CSF2RA: variants seen among roughly 807,000 people sequenced by gnomAD.
CSF2RA encodes the protein granulocyte-macrophage colony-stimulating factor receptor subunit alpha.
CSF2RA carries 42 observed loss-of-function variants against 51.6 expected under a neutral mutation model. The ratio of observed to expected loss-of-function variants is 0.81; its 90% confidence interval spans 0.64 to 1.05. The LOEUF is 1.05. CSF2RA is among the 50% of genes least tolerant of loss of function. CSF2RA has a pLI of 0.00. For synonymous variants in CSF2RA, 222 were observed against 193.0 expected (o/e 1.15, Z -1.24); for missense variants, 530 against 501.1 (o/e 1.06, Z -0.55).
rs368729326 is a variant in CSF2RA, at chrX:1,288,832, G to A, written c.417G>A (p.Ala139=). ...CGGATTTAATGAACTGTACCTGGGCGAGGGGTCCGACGGCCCCCCGTGACG... is the reference window on the plus strand; with the variant it reads ...CGGATTTAATGAACTGTACCTGGGCAAGGGGTCCGACGGCCCCCCGTGACG... The part of the protein sequence containing the change: ...YNADLMNCTW[A]RGPTAPRDVQ... Residue 139 remains alanine, a synonymous_variant, in exon 6 of 13, where the codon GCG becomes GCA. Coordinates refer to ENST00000381529, the MANE Select transcript of CSF2RA (RefSeq NM_172245.4). 133 of 1,613,908 alleles carry A rather than the reference G, an allele frequency of 8.2e-5. No homozygotes were observed. The highest frequency in any genetic ancestry group is 1.7e-4 in the Middle Eastern group (1 of 6,056).
chrX:1,284,614 AAATTTT>A (rs2090426019), intron 3 of CSF2RA, among the ~76,000 whole-genome samples: 1 of 24,132 alleles, frequency 4.1e-5, no homozygotes, highest in Non-Finnish European at 9.1e-5. Flanking sequence ...TTTTTTTTTT[AAATTTT>A]ATAGACGAGA....
At chrX:1,286,475 A>G (rs1393287811) in intron 4 of CSF2RA, among the ~76,000 whole-genome samples, 1 of 40,032 alleles carries the variant, frequency 2.5e-5, no homozygotes, top group African/African-American at 7.5e-5. Flanking sequence ...AGGCTGAGGC[A>G]GGAGAATTAC....
chrX:1,314,297 A>ATC, downstream of CSF2RA, among the ~76,000 whole-genome samples: 1 of 106,716 alleles, frequency 9.4e-6, no homozygotes, highest in African/African-American at 3.2e-5. Flanking sequence ...CATCTGCCCA[A>ATC]CCACTCTGTG....
At chrX:1,283,813 CGT>C (rs1157917930) in intron 3 of CSF2RA, among the ~76,000 whole-genome samples, 2 of 151,856 alleles carry the variant, frequency 1.3e-5, no homozygotes, top group African/African-American at 4.8e-5. Context: ...CAGGTGATCC[CGT>C]GCCTCGGCCT....
downstream of CSF2RA, among the ~76,000 whole-genome samples, chrX:1,315,200 T>C (rs1260483382): frequency 6.6e-6 from 1 of 152,000 alleles, no homozygotes; most frequent in Non-Finnish European, 1.5e-5. Context: ...AGACAGATTC[T>C]ATGATGAGGA....
At chrX:1,286,371 C>G (rs2090656300) in intron 4 of CSF2RA, among the ~76,000 whole-genome samples, 1 of 151,994 alleles carries the variant, frequency 6.6e-6, no homozygotes, top group African/African-American at 2.4e-5. Flanking sequence ...GAGTTCAAGA[C>G]CAGGCTGACC....
chrX:1,315,217 T>C (rs1471371975), downstream of CSF2RA, among the ~76,000 whole-genome samples: 9 of 151,860 alleles, frequency 5.9e-5, no homozygotes, highest in Non-Finnish European at 1.2e-4. Context: ...AGGACAGGTG[T>C]GGTGAAAATG....
intron 7 of CSF2RA, 145 bp downstream of exon 7, chrX:1,290,654 C>CA: frequency 1.2e-6 from 1 of 840,058 alleles, no homozygotes; most frequent in Non-Finnish European, 2.1e-6. Flanking sequence ...CACCTGAGAT[C>CA]GGGTGTTCAA....
intron 7 of CSF2RA, among the ~76,000 whole-genome samples, chrX:1,291,753 T>C (rs185617336): frequency 0.33 from 48,155 of 146,560 alleles, 8,697 homozygotes; most frequent in South Asian, 0.45. Context: ...GGAGACCCTG[T>C]ACCACCTCCA....
chrX:1,323,187 T>TAAAATAA, the CSF2RA span, among the ~76,000 whole-genome samples: 6 of 48,550 alleles, frequency 1.2e-4, no homozygotes, highest in Non-Finnish European at 1.8e-4. Context: ...AAATAAAATA[T>TAAAATAA]AAAATGGTCT....
chrX:1,286,197 C>T (rs1464186039), intron 4 of CSF2RA, among the ~76,000 whole-genome samples: 5 of 152,038 alleles, frequency 3.3e-5, no homozygotes, highest in Admixed American at 6.6e-5. Context: ...TACTCGAACC[C>T]GGGAGGTGGA....
intron 11 of CSF2RA, among the ~76,000 whole-genome samples, chrX:1,304,698 CT>C (rs1176431371): frequency 6.6e-6 from 1 of 151,660 alleles, no homozygotes; most frequent in African/African-American, 2.4e-5. Context: ...GACTTTTGCT[CT>C]TGTTGCCCAG....
At chrX:1,305,690 C>T (rs757022839) in intron 12 of CSF2RA, 163 bp downstream of exon 12, 496 of 1,568,246 alleles carry the variant, frequency 3.2e-4, no homozygotes, top group Non-Finnish European at 3.9e-4. Flanking sequence ...GGCCTTCTCC[C>T]GGGTCGGGGT....
the CSF2RA span, among the ~76,000 whole-genome samples, chrX:1,317,033 G>A: frequency 7.2e-5 from 11 of 151,838 alleles, no homozygotes; most frequent in Admixed American, 2.0e-4. Context: ...TGCAAGCTCC[G>A]CTTCCCGGGT....
intron 2 of CSF2RA, among the ~76,000 whole-genome samples, chrX:1,281,006 C>CTTCTCCTCCTCCTT (rs2089925721): frequency 1.4e-4 from 4 of 28,102 alleles, no homozygotes; most frequent in Admixed American, 4.7e-4. Context: ...TCCTCCTCCT[C>CTTCTCCTCCTCCTT]CTTCTCCTCC....
At chrX:1,281,285 CTTCCTCCTA>C (rs2148213023) in intron 2 of CSF2RA, among the ~76,000 whole-genome samples, 1 of 135,206 alleles carries the variant, frequency 7.4e-6, no homozygotes, top group Admixed American at 7.4e-5. Flanking sequence ...TTCTCCTCCT[CTTCCTCCTA>C]CTCCTCCTTC....
At position 1,294,358 on chromosome X, in the gene CSF2RA, T is replaced by C. The variant is rs774472033; in HGVS notation, c.677T>C (p.Val226Ala). The C allele has an allele frequency of 1.8e-5, 29 of 1,613,690 alleles. 1 individual carries two copies. In the African/African-American group the frequency reaches 2.7e-4, roughly 15 times the overall value. ...TTCAACCCTCCCAGCAATGTCACCG[T>C]ACGTTGCAACACGACGCACTGCCTC... ...ERFNPPSNVT[V>A]RCNTTHCLVR... Residue 226 changes from valine (V) to alanine (A), a missense_variant, in exon 8 of 13, where the codon GTA (valine) becomes GCA (alanine). Coordinates refer to ENST00000381529, the MANE Select transcript of CSF2RA (RefSeq NM_172245.4).
chrX:1,280,210 G>T (rs2089715850), intron 2 of CSF2RA, among the ~76,000 whole-genome samples: 1 of 152,114 alleles, frequency 6.6e-6, no homozygotes, highest in East Asian at 1.9e-4. Flanking sequence ...AGTGGTTCAT[G>T]CCTGTAATTC....
In CSF2RA at chrX:1,309,567, TC is replaced by T; in HGVS notation, c.*89del. On this transcript the variant is annotated 3_prime_UTR_variant, in exon 13 of 13. Transcript: ENST00000381529. Reference sequence around the variant, plus strand: ...CTTGATGATGCTGTGAACCTTTATATCATTTTCTATGTTTTTATTTAAAAAC... The same window carrying T: ...CTTGATGATGCTGTGAACCTTTATATATTTTCTATGTTTTTATTTAAAAAC... The T allele has an allele frequency of 6.2e-7, 1 of 1,613,928 alleles. No homozygotes were observed. Among genetic ancestry groups the T allele is most frequent in the Non-Finnish European group, 8.5e-7 (1 of 1,179,862 alleles).
Sources: allele counts gnomAD v4.1 joint callset (sites outside exome capture counted in the v4.1 genomes callset), GRCh38; gene constraint gnomAD v4.1.1; transcripts MANE v1.5; gene names NCBI Gene and HGNC (gene_info 2026-07-23, HGNC 2026-07-21).